Variants in SYBU observed in about 807,000 individuals in gnomAD.
The protein encoded by SYBU is GOLSYN A protein.
A neutral mutation model predicts 35.9 loss-of-function variants in SYBU; 21 were observed. That is an observed-to-expected ratio of 0.58 (90% CI 0.41 to 0.84). The LOEUF (loss-of-function observed/expected upper bound fraction) is 0.84. Ranked by LOEUF, SYBU falls within the 40% of genes least tolerant of loss-of-function variation. The probability of loss-of-function intolerance (pLI) is 0.00; values close to 1 mark genes in which losing one functional copy is unlikely to be tolerated. For synonymous variants in SYBU, 319 were observed against 324.3 expected, an observed-to-expected ratio of 0.98 and a Z score of 0.18; for missense variants, 768 against 848.2, an observed-to-expected ratio of 0.91 and a Z score of 1.17.
intron 1 of SYBU, chr8:109,644,149 A>T: frequency 2.2e-6 from 1 of 459,240 alleles, no homozygotes; most frequent in Non-Finnish European, 4.4e-6. Flanking sequence ...GAGGGCCCTC[A>T]GGCATCCACT....
intron 3 of SYBU, among the ~76,000 whole-genome samples, chr8:109,591,680 T>C (rs1231255245): frequency 6.7e-6 from 1 of 150,162 alleles, no homozygotes; most frequent in Non-Finnish European, 1.5e-5. Context: ...CCCGGCTAAT[T>C]TTTTTGTATT....
chr8:109,581,395 C>CA (rs1201392560), intron 4 of SYBU, among the ~76,000 whole-genome samples: 1 of 152,142 alleles, frequency 6.6e-6, no homozygotes, highest in East Asian at 1.9e-4. Context: ...ATGTGAAAAT[C>CA]AAATCAAAGA....
At chr8:109,581,464 G>C (rs1436822431) in intron 4 of SYBU, among the ~76,000 whole-genome samples, 5 of 152,196 alleles carry the variant, frequency 3.3e-5, no homozygotes, top group Non-Finnish European at 7.3e-5. Flanking sequence ...AGTATTATTA[G>C]AGGATAAACT....
chr8:109,604,034 T>A, intron 3 of SYBU, among the ~76,000 whole-genome samples: 1 of 151,710 alleles, frequency 6.6e-6, no homozygotes, highest in Non-Finnish European at 1.5e-5. Context: ...GCAGCAAAAC[T>A]GAATTTAAAA....
intron 2 of SYBU, among the ~76,000 whole-genome samples, chr8:109,621,559 T>C (rs1173089096): frequency 6.6e-6 from 1 of 152,224 alleles, no homozygotes; most frequent in African/African-American, 2.4e-5. Flanking sequence ...ATACTAGGAA[T>C]ATAAGACATG....
At chr8:109,623,309 A>G (rs894030278) in intron 2 of SYBU, among the ~76,000 whole-genome samples, 3 of 152,190 alleles carry the variant, frequency 2.0e-5, no homozygotes, top group Non-Finnish European at 4.4e-5. Flanking sequence ...TAAGTGAAGG[A>G]GACTAATTTA....
chr8:109,607,808 T>TCTCTCACACA (rs71564047), intron 3 of SYBU: 12 of 377,124 alleles, frequency 3.2e-5, no homozygotes, highest in Admixed American at 4.5e-5. Context: ...CACAACTAAC[T>TCTCTCACACA]CACACACACA....
chr8:109,664,721 G>A (rs1816696803), intron 1 of SYBU, among the ~76,000 whole-genome samples: 1 of 152,194 alleles, frequency 6.6e-6, no homozygotes, highest in Non-Finnish European at 1.5e-5. Flanking sequence ...GAGCAGGTGA[G>A]GCTTCCCAAA....
chr8:109,603,699 C>T (rs1425608306), intron 3 of SYBU, among the ~76,000 whole-genome samples: 1 of 152,124 alleles, frequency 6.6e-6, no homozygotes, highest in Non-Finnish European at 1.5e-5. Flanking sequence ...GCAGTAAAAA[C>T]AAGGGAATAA....
intron 3 of SYBU, among the ~76,000 whole-genome samples, chr8:109,591,506 A>ATTTTTTTTTTTTTT (rs1047402673): frequency 9.9e-6 from 1 of 100,942 alleles, no homozygotes; most frequent in Non-Finnish European, 1.8e-5. Context: ...AAAAATGTAA[A>ATTTTTTTTTTTTTT]TTTTTTTTTT....
At chr8:109,680,231 T>C (rs1287857166) in intron 1 of SYBU, 3 of 152,238 alleles carry the variant, frequency 2.0e-5, no homozygotes, top group Non-Finnish European at 1.5e-5. Flanking sequence ...TTATATAATC[T>C]GGGATAAACT....
intron 3 of SYBU, among the ~76,000 whole-genome samples, chr8:109,591,351 GA>G (rs1417518214): frequency 6.6e-6 from 1 of 152,088 alleles, no homozygotes; most frequent in Non-Finnish European, 1.5e-5. Flanking sequence ...TTGGGAACAG[GA>G]AAGTGTGGAT....
At chr8:109,664,032 C>T (rs1317763497) in intron 1 of SYBU, among the ~76,000 whole-genome samples, 2 of 152,058 alleles carry the variant, frequency 1.3e-5, no homozygotes, top group Non-Finnish European at 2.9e-5. Context: ...ACTAATTTTG[C>T]ACAATGCTAA....
chr8:109,575,258 T>G lies in SYBU; in HGVS notation c.1640A>C (p.Asn547Thr). 1.2e-6 allele frequency: 2 copies of G among 1,614,156 alleles called. No individual in the cohort carries two copies. The highest frequency in any genetic ancestry group is 1.7e-6 in the Non-Finnish European group (2 of 1,180,022). The change falls in exon 7 of 7, where the codon AAT becomes ACT. Residue 547 changes from asparagine to threonine, a missense_variant. By Grantham distance (65) the Asn-to-Thr change is moderately conservative. Coordinates refer to ENST00000276646, the MANE Select transcript of SYBU (RefSeq NM_001099754.2). ...AGACAAAAGGATGGCTGAGTTTGGATTTCTTGGAGTTAAATCAACCACTAA... is the reference window on the plus strand; with the variant it reads ...AGACAAAAGGATGGCTGAGTTTGGAGTTCTTGGAGTTAAATCAACCACTAA... ...SALVVDLTPR[N>T]PNSAILLSPV...
At chr8:109,646,121 T>A (rs1277105471), upstream of SYBU, 2 of 152,250 alleles carry the variant, frequency 1.3e-5, no homozygotes, top group Non-Finnish European at 2.9e-5. Flanking sequence ...CCAAGGGCCT[T>A]GATTTATTAC....
intron 3 of SYBU, among the ~76,000 whole-genome samples, chr8:109,588,493 A>G (rs2129760459): frequency 6.6e-6 from 1 of 152,316 alleles, no homozygotes; most frequent in South Asian, 2.1e-4. Context: ...ATTCAGGCCT[A>G]TTTGAATAGT....
rs370323839 is a variant in SYBU, at chr8:109,678,410, G to A, written c.-129+2301C>T. On this transcript the variant is annotated intron_variant, in intron 1 of 5. Transcript: ENST00000408889. ...ACTTGATATTGCTGTCTGGGGGTGGGGTGGAAGAGCAGTTTCAAATAACCT... is the reference window on the plus strand; with the variant it reads ...ACTTGATATTGCTGTCTGGGGGTGGAGTGGAAGAGCAGTTTCAAATAACCT... 2.7e-4 allele frequency among the ~76,000 whole-genome samples: 41 copies of A among 150,882 alleles called. 1 individual carries two copies. The South Asian group carries it at 8.4e-3, about 31-fold the overall frequency.
intron 1 of SYBU, among the ~76,000 whole-genome samples, chr8:109,667,355 C>T (rs1362404312): frequency 6.6e-6 from 1 of 152,068 alleles, no homozygotes. Flanking sequence ...TCGTGATCCG[C>T]CCACCTCGGC....
intron 5 of SYBU, among the ~76,000 whole-genome samples, chr8:109,579,426 T>C (rs952656372): frequency 1.3e-5 from 2 of 152,064 alleles, no homozygotes; most frequent in African/African-American, 2.4e-5. Flanking sequence ...AAGTTGTTTT[T>C]GTTTGTTTGT....
Sources: gnomAD v4.1 joint callset for allele counts (sites outside exome capture counted in the v4.1 genomes callset) on GRCh38, gnomAD v4.1.1 for gene constraint, MANE v1.5 for transcripts, NCBI Gene and HGNC (gene_info 2026-07-23, HGNC 2026-07-21) for gene names.